NSMCE2: variants seen among roughly 807,000 people sequenced by gnomAD.
The protein encoded by NSMCE2 is NSE2 SUMO ligase component of SMC5/6 complex, also known as E3 SUMO-protein ligase NSE2.
Under a neutral mutation model 23.8 loss-of-function variants are expected in NSMCE2, and 24 were observed. That is an observed-to-expected ratio of 1.01 (90% CI 0.73 to 1.42). The LOEUF is 1.42. Among genes scored for constraint, NSMCE2 ranks in the 40% most tolerant of loss-of-function variants. The pLI, the probability that NSMCE2 is intolerant of heterozygous loss-of-function variation, is 0.00. For missense variants in NSMCE2, 284 were observed against 296.5 expected, an observed-to-expected ratio of 0.96 and a Z score of 0.31; for synonymous variants, 92 against 94.1, an observed-to-expected ratio of 0.98 and a Z score of 0.13.
chr8:125,366,494 C>T (rs528261910), intron 7 of NSMCE2, among the ~76,000 whole-genome samples: 6 of 151,990 alleles, frequency 3.9e-5, no homozygotes, highest in East Asian at 3.9e-4. Context: ...GAGCCAGGAT[C>T]GTGCCACTGC....
intron 4 of NSMCE2, among the ~76,000 whole-genome samples, chr8:125,170,487 A>T (rs1822142169): frequency 1.4e-5 from 2 of 140,290 alleles, no homozygotes; most frequent in Non-Finnish European, 3.0e-5. Context: ...GCTCACTGCA[A>T]ACTCCACCTC....
chr8:125,326,230 C>T (rs1829660000), intron 5 of NSMCE2, among the ~76,000 whole-genome samples: 1 of 151,902 alleles, frequency 6.6e-6, no homozygotes, highest in Non-Finnish European at 1.5e-5. Flanking sequence ...GCACTCCAGC[C>T]TGGGCAAAAG....
chr8:125,105,968 T>TTTTTC (rs1818436916), intron 3 of NSMCE2, among the ~76,000 whole-genome samples: 1 of 151,912 alleles, frequency 6.6e-6, no homozygotes, highest in Non-Finnish European at 1.5e-5. Flanking sequence ...CTAAACAACT[T>TTTTTC]AGACAGACAC....
At chr8:125,337,783 T>C (rs1345706583) in intron 5 of NSMCE2, among the ~76,000 whole-genome samples, 1 of 150,050 alleles carries the variant, frequency 6.7e-6, no homozygotes, top group Non-Finnish European at 1.5e-5. Flanking sequence ...TAATCCCAAC[T>C]ACTCAGGAGG....
chr8:125,096,089 C>A (rs560982430), intron 1 of NSMCE2, among the ~76,000 whole-genome samples: 3 of 152,166 alleles, frequency 2.0e-5, no homozygotes, highest in Non-Finnish European at 4.4e-5. Flanking sequence ...GGGCCTTGAG[C>A]TCCTTCCATG....
chr8:125,163,492 C>T (rs908260902), intron 4 of NSMCE2, among the ~76,000 whole-genome samples: 6 of 152,170 alleles, frequency 3.9e-5, no homozygotes, highest in South Asian at 4.1e-4. Context: ...GGACAAGTCA[C>T]GTAACTTCTG....
chr8:125,105,868 T>C (rs1347082166), intron 3 of NSMCE2, among the ~76,000 whole-genome samples: 1 of 152,216 alleles, frequency 6.6e-6, no homozygotes, highest in African/African-American at 2.4e-5. Flanking sequence ...AATATTTGGA[T>C]TAATTTTACA....
intron 5 of NSMCE2, among the ~76,000 whole-genome samples, chr8:125,314,097 T>C (rs774440800): frequency 1.3e-5 from 2 of 152,208 alleles, no homozygotes; most frequent in Non-Finnish European, 2.9e-5. Context: ...TGAATGAATG[T>C]AGGAGATGAT....
At chr8:125,161,294 TC>T (rs1821612250) in intron 4 of NSMCE2, among the ~76,000 whole-genome samples, 1 of 151,846 alleles carries the variant, frequency 6.6e-6, no homozygotes, top group African/African-American at 2.4e-5. Flanking sequence ...TTTCTGGACT[TC>T]CTTTTTTAAA....
At chr8:125,125,893 T>C (rs919830716) in intron 3 of NSMCE2, among the ~76,000 whole-genome samples, 3 of 152,192 alleles carry the variant, frequency 2.0e-5, no homozygotes, top group Admixed American at 6.5e-5. Flanking sequence ...AGGGTGATAC[T>C]GTGGAGGGTT....
chr8:125,363,057 A>G (rs1813623924), intron 7 of NSMCE2: 1 of 152,222 alleles, frequency 6.6e-6, no homozygotes, highest in Admixed American at 6.5e-5. Flanking sequence ...CAAAGCAGAT[A>G]TTCAGGGTTA....
chr8:125,326,066 G>A (rs1248374508), intron 5 of NSMCE2, among the ~76,000 whole-genome samples: 2 of 152,100 alleles, frequency 1.3e-5, no homozygotes, highest in South Asian at 4.1e-4. Flanking sequence ...GACCATCCTG[G>A]ATAACATGGT....
intron 3 of NSMCE2, among the ~76,000 whole-genome samples, chr8:125,136,078 A>G (rs897442366): frequency 1.3e-5 from 2 of 152,230 alleles, no homozygotes; most frequent in African/African-American, 4.8e-5. Context: ...GATGATGTCC[A>G]GTATCTTATA....
chr8:125,262,982 T>C (rs926346945), intron 5 of NSMCE2, among the ~76,000 whole-genome samples: 59 of 152,356 alleles, frequency 3.9e-4, no homozygotes, highest in African/African-American at 1.3e-3. Context: ...TAGATCTATA[T>C]GTTTATGCTG....
chr8:125,257,267 G>C (rs953407723), intron 5 of NSMCE2, among the ~76,000 whole-genome samples: 2 of 149,692 alleles, frequency 1.3e-5, no homozygotes, highest in Non-Finnish European at 3.0e-5. Context: ...CTAGGCGACA[G>C]AGCAAGGCTC....
chr8:125,167,332 C>T (rs1382399143), intron 4 of NSMCE2, among the ~76,000 whole-genome samples: 1 of 152,136 alleles, frequency 6.6e-6, no homozygotes, highest in Admixed American at 6.5e-5. Context: ...GGGAAGGGAA[C>T]ATAATATAGG....
In NSMCE2 at chr8:125,217,365, T is replaced by A. The variant is rs549730272; in HGVS notation, c.418+35109T>A. On this transcript the variant is annotated intron_variant, in intron 5 of 7. Transcript: ENST00000287437. ...TTTATTTATTTATTTATTTATTTTT[T>A]ATTTATTTATTTTGAGATGGAGTCT... Among the ~76,000 whole-genome samples, 45 of 147,854 alleles carry A rather than the reference T, an allele frequency of 3.0e-4. 1 individual carries two copies. The highest frequency in any genetic ancestry group is 1.1e-3 in the African/African-American group (43 of 40,760).
chr8:125,305,780 T>G (rs894349156), intron 5 of NSMCE2, among the ~76,000 whole-genome samples: 1 of 152,214 alleles, frequency 6.6e-6, no homozygotes, highest in African/African-American at 2.4e-5. Flanking sequence ...AGTATAGCCT[T>G]GTGCTTTGGT....
At chr8:125,143,255 GT>G (rs376142167) in intron 3 of NSMCE2, among the ~76,000 whole-genome samples, 210 of 152,128 alleles carry the variant, frequency 1.4e-3, no homozygotes, top group African/African-American at 4.8e-3. Context: ...ACTGTGATTT[GT>G]TTTATTTTAT....
Sources: gnomAD v4.1 joint callset for allele counts (sites outside exome capture counted in the v4.1 genomes callset) on GRCh38, gnomAD v4.1.1 for gene constraint, MANE v1.5 for transcripts, NCBI Gene and HGNC (gene_info 2026-07-23, HGNC 2026-07-21) for gene names.